The following ISCA1 variants were observed in gnomAD, a reference collection of about 807,000 sequenced individuals.
ISCA1 encodes iron-sulfur cluster assembly 1 homolog, mitochondrial.
A neutral mutation model predicts 14.7 loss-of-function variants in ISCA1; 9 were observed. The ratio of observed to expected loss-of-function variants is 0.61; its 90% CI spans 0.37 to 1.07. The LOEUF (loss-of-function observed/expected upper bound fraction) is 1.07. Among genes scored for constraint, ISCA1 ranks in the 50% least tolerant of loss-of-function variants. The pLI is 0.01. For missense variants in ISCA1, 102 were observed against 150.1 expected (o/e 0.68, Z 1.67); for synonymous variants, 38 against 54.3 (o/e 0.70, Z 1.32).
At chr9:86,278,674 A>C (rs1460628160) in intron 1 of ISCA1, among the ~76,000 whole-genome samples, 3 of 152,184 alleles carry the variant, frequency 2.0e-5, no homozygotes, top group African/African-American at 7.2e-5. Flanking sequence ...TGTCTCTAAA[A>C]AGAAAAAGGT....
rs1825278258 is a variant in ISCA1, at chr9:86,265,055, G to A, written c.*988C>T. The A allele has an allele frequency of 6.6e-6, 1 of 152,048 alleles. No individual in the cohort carries two copies. The highest frequency in any genetic ancestry group is 2.4e-5 in the African/African-American group (1 of 41,406). The allele number at this position is 152,048 out of a possible 1,614,324, so 9.4% of individuals were successfully genotyped here. On this transcript the variant is annotated 3_prime_UTR_variant, in exon 4 of 4. Transcript: ENST00000375991. The stretch of plus-strand genomic sequence containing the variant: ...CTCTGCTACAAACCATTGTTTCAAA[G>A]GTGAAAGAAACAAGATGGTAATTGA...
rs1825278312 is a variant in ISCA1 at position 86,265,063 on chromosome 9, A to G, written c.*980T>C. 6.6e-6 allele frequency: 1 copy of G among 152,268 alleles called. No individual in the cohort carries two copies. The highest frequency in any genetic ancestry group is 1.5e-5 in the Non-Finnish European group (1 of 68,048). 9.4% of individuals were successfully genotyped at this position (152,268 alleles called of 1,614,324 possible). A position where few individuals can be genotyped will look rare whatever the true frequency, so the allele number is the denominator to read the frequency against. Reference sequence around the variant, plus strand: ...CAAACCATTGTTTCAAAGGTGAAAGAAACAAGATGGTAATTGACATAAAAA... The same window carrying G: ...CAAACCATTGTTTCAAAGGTGAAAGGAACAAGATGGTAATTGACATAAAAA... On this transcript the variant is annotated 3_prime_UTR_variant, in exon 4 of 4. Coordinates refer to ENST00000375991, the MANE Select transcript of ISCA1 (RefSeq NM_030940.4).
Position 86,282,496 on chromosome 9 carries a change from G to A in ISCA1, c.-38C>T, listed in dbSNP as rs551941153. The A allele has an allele frequency of 1.9e-6, 3 of 1,550,002 alleles. No individual in the cohort carries two copies. Among genetic ancestry groups the A allele is most frequent in the African/African-American group, 1.4e-5 (1 of 73,172 alleles). On this transcript the variant is annotated 5_prime_UTR_variant, in exon 1 of 4. Coordinates refer to ENST00000375991, the MANE Select transcript of ISCA1 (RefSeq NM_030940.4). ...GGCGCCCCGGTGCCTCGGGCCGAAGGTCGGCCGCCTCAGCTTCTCTCCATG... is the reference window on the plus strand; with the variant it reads ...GGCGCCCCGGTGCCTCGGGCCGAAGATCGGCCGCCTCAGCTTCTCTCCATG...
rs530503758 is a variant in ISCA1, at chr9:86,282,235, G to A, written c.81+143C>T. 3.6e-5 allele frequency: 31 copies of A among 851,058 alleles called. 1 individual carries two copies. In the East Asian group the frequency reaches 8.1e-4, roughly 22 times the overall value. The allele number at this position is 851,058 out of a possible 1,614,324, so 52.7% of individuals were successfully genotyped here. On this transcript the variant is annotated intron_variant, in intron 1 of 3. Coordinates refer to ENST00000375991, the MANE Select transcript of ISCA1 (RefSeq NM_030940.4). The stretch of plus-strand genomic sequence containing the variant: ...AGGGGCCGGAGGCGAAGGAGGCGGC[G>A]AGGCTGTGCGGCGGGTCGGAGCGAC...
chr9:86,266,633 C>T (rs1200683334), intron 3 of ISCA1, among the ~76,000 whole-genome samples: 1 of 152,058 alleles, frequency 6.6e-6, no homozygotes, highest in Non-Finnish European at 1.5e-5. Flanking sequence ...TTAATAACAT[C>T]AATCAGTACA....
chr9:86,269,708 T>C (rs1825342188), intron 3 of ISCA1, among the ~76,000 whole-genome samples: 1 of 151,870 alleles, frequency 6.6e-6, no homozygotes, highest in African/African-American at 2.4e-5. Flanking sequence ...AAGGCTACAG[T>C]AACCAAAACA....
intron 3 of ISCA1, chr9:86,267,273 A>G (rs1825302775): frequency 2.5e-6 from 2 of 804,668 alleles, no homozygotes; most frequent in African/African-American, 3.7e-5. Flanking sequence ...CTTCCTTACA[A>G]GAAATTGAGC....
intron 1 of ISCA1, among the ~76,000 whole-genome samples, chr9:86,275,772 C>T (rs1249912032): frequency 6.6e-6 from 1 of 152,176 alleles, no homozygotes; most frequent in Non-Finnish European, 1.5e-5. Context: ...AGGAGGCATG[C>T]AGTCCTCCAA....
chr9:86,279,508 T>C (rs987145470), intron 1 of ISCA1, among the ~76,000 whole-genome samples: 3 of 152,246 alleles, frequency 2.0e-5, no homozygotes, highest in African/African-American at 4.8e-5. Flanking sequence ...TCAGTTACTT[T>C]TCCTAGCCTT....
intron 1 of ISCA1, among the ~76,000 whole-genome samples, chr9:86,278,843 C>T (rs1011579356): frequency 3.3e-5 from 5 of 152,058 alleles, no homozygotes; most frequent in Non-Finnish European, 5.9e-5. Context: ...TTATTCCTGC[C>T]ATTGTGATTT....
In ISCA1 at chr9:86,272,016, T is replaced by A; in HGVS notation, c.232A>T (p.Ile78Phe). 1.3e-6 allele frequency: 2 copies of A among 1,577,932 alleles called. No individual in the cohort carries two copies. The highest frequency in any genetic ancestry group is 1.7e-6 in the Non-Finnish European group (2 of 1,149,428). The change falls in exon 3 of 4, where the codon ATT (isoleucine) becomes TTT (phenylalanine). Residue 78 changes from isoleucine to phenylalanine, a missense_variant. Transcript: ENST00000375991. Reference sequence around the variant, plus strand: ...TTTGTTAAAAACTCACCATCTTGAATAACTTCTTCATCAGAATCTCCTTTT... The same window carrying A: ...TTTGTTAAAAACTCACCATCTTGAAAAACTTCTTCATCAGAATCTCCTTTT... ...KTKGDSDEEV[I>F]QDGVRVFIEK...
intron 3 of ISCA1, among the ~76,000 whole-genome samples, chr9:86,269,234 C>T (rs1469518675): frequency 2.0e-5 from 3 of 152,206 alleles, no homozygotes; most frequent in Non-Finnish European, 2.9e-5. Context: ...TAAGCAACTT[C>T]AGCAAAGTCT....
At chr9:86,280,910 AGAGT>A (rs1825504773) in intron 1 of ISCA1, among the ~76,000 whole-genome samples, 1 of 152,100 alleles carries the variant, frequency 6.6e-6, no homozygotes, top group Non-Finnish European at 1.5e-5. Flanking sequence ...CCTGGGAGAT[AGAGT>A]GAGACCCTGT....
At chr9:86,280,698 C>G (rs1376511368) in intron 1 of ISCA1, among the ~76,000 whole-genome samples, 3 of 151,640 alleles carry the variant, frequency 2.0e-5, no homozygotes, top group Non-Finnish European at 4.4e-5. Context: ...CACCTGTAAT[C>G]CCTGCACACT....
chr9:86,279,673 C>G (rs1825484854), intron 1 of ISCA1, among the ~76,000 whole-genome samples: 3 of 152,220 alleles, frequency 2.0e-5, no homozygotes, highest in Admixed American at 2.0e-4. Context: ...TTATCTGTCT[C>G]TACTTATTAG....
intron 3 of ISCA1, among the ~76,000 whole-genome samples, chr9:86,270,904 G>A (rs1223729643): frequency 7.1e-6 from 1 of 140,080 alleles, no homozygotes; most frequent in Non-Finnish European, 1.5e-5. Context: ...GAGAACACAT[G>A]GACACAGGAA....
At chr9:86,272,219 A>AT (rs1825379270) in intron 2 of ISCA1, 107 bp from the exon 3 acceptor site, 1 of 734,140 alleles carries the variant, frequency 1.4e-6, no homozygotes, top group Admixed American at 2.5e-5. Context: ...ACTTTCTCTT[A>AT]TTTTTTGTAG....
At chr9:86,269,565 T>G (rs540974551) in intron 3 of ISCA1, among the ~76,000 whole-genome samples, 69 of 152,106 alleles carry the variant, frequency 4.5e-4, no homozygotes, top group Middle Eastern at 3.4e-3. Flanking sequence ...ACCAATGACT[T>G]TCTTCACAGA....
chr9:86,277,136 A>G (rs1179421433), intron 1 of ISCA1, among the ~76,000 whole-genome samples: 3 of 152,162 alleles, frequency 2.0e-5, no homozygotes, highest in Non-Finnish European at 4.4e-5. Flanking sequence ...CTCAACTTTT[A>G]GCAGGAAACA....
Sources: gnomAD v4.1 joint callset for allele counts (sites outside exome capture counted in the v4.1 genomes callset) on GRCh38, gnomAD v4.1.1 for gene constraint, MANE v1.5 for transcripts, NCBI Gene and HGNC (gene_info 2026-07-23, HGNC 2026-07-21) for gene names.